The following DNAH8 variants were observed in gnomAD, a reference collection of about 807,000 sequenced individuals.
DNAH8 encodes dynein axonemal heavy chain 8, also known as axonemal beta dynein heavy chain 8.
DNAH8 carries 382 observed loss-of-function variants against 562.1 expected under a neutral mutation model. That is an observed-to-expected ratio of 0.68 (90% CI 0.63 to 0.74). DNAH8 has a LOEUF of 0.74. Ranked by LOEUF, DNAH8 falls within the 30% of genes least tolerant of loss-of-function variation. DNAH8 has a pLI of 0.00. For synonymous variants in DNAH8, 1,881 were observed against 1,919.4 expected, an observed-to-expected ratio of 0.98 and a Z score of 0.52; for missense variants, 5,203 against 5,620.4, an observed-to-expected ratio of 0.93 and a Z score of 2.37.
At chr6:38,972,597 A>T (rs1763418953) in intron 83 of DNAH8, among the ~76,000 whole-genome samples, 1 of 130,354 alleles carries the variant, frequency 7.7e-6, no homozygotes, top group South Asian at 2.4e-4. Context: ...GCAAAACTTT[A>T]ATTTAAATAC....
rs1414571786 is a variant in DNAH8, at chr6:38,954,432, C to T, written c.12451+2912C>T. Among the ~76,000 whole-genome samples, 6 of 1,248 alleles carry T rather than the reference C, an allele frequency of 4.8e-3. 3 individuals are homozygous for T. Among genetic ancestry groups the T allele is most frequent in the South Asian group, 0.023 (2 of 86 alleles). The allele number at this position is 1,248 out of a possible 152,430, so 0.8% of individuals were successfully genotyped here. ...ATAGTAATAAATTACAGGCCGGGCG[C>T]GGTGGCTCACGCCTGTAATCCCAGC... On this transcript the variant is annotated intron_variant, in intron 82 of 92. Transcript: ENST00000327475.
chr6:38,852,047 C>T (rs564453222), intron 39 of DNAH8, among the ~76,000 whole-genome samples: 4 of 152,256 alleles, frequency 2.6e-5, no homozygotes, highest in South Asian at 4.1e-4. Flanking sequence ...TTTATTAAAT[C>T]GAATTTATCA....
rs552492150 is a variant in DNAH8, at chr6:38,734,629, T to G, written c.762+4T>G. The G allele has an allele frequency of 2.5e-6, 4 of 1,608,622 alleles. No homozygotes were observed. The African/African-American group carries it at 5.4e-5, about 22-fold the overall frequency. Reference sequence around the variant, plus strand: ...AAATGTTAAAACTATTCAAGAGGTATGTTTAAAAATTTCCCCAAATACATA... The same window carrying G: ...AAATGTTAAAACTATTCAAGAGGTAGGTTTAAAAATTTCCCCAAATACATA... On this transcript the variant is annotated splice_donor_region_variant and intron_variant, in intron 5 of 92. Coordinates refer to ENST00000327475, the MANE Select transcript of DNAH8 (RefSeq NM_001206927.2).
chr6:38,935,406 T>A (rs1171000141), intron 76 of DNAH8, among the ~76,000 whole-genome samples, 186 bp from the exon 77 acceptor site: 3 of 152,166 alleles, frequency 2.0e-5, no homozygotes, highest in East Asian at 1.9e-4. Flanking sequence ...GGCATAATTT[T>A]AAAAAAATTT....
chr6:39,022,218 G>GC (rs1561985064), intron 91 of DNAH8, among the ~76,000 whole-genome samples: 1 of 151,424 alleles, frequency 6.6e-6, no homozygotes, highest in African/African-American at 2.4e-5. Flanking sequence ...TTCATTAAGT[G>GC]TTTTTTTTTC....
chr6:38,873,045 G>T lies in DNAH8; in HGVS notation c.7377G>T (p.Leu2459=), dbSNP rs780317776. 2.5e-6 allele frequency: 4 copies of T among 1,614,108 alleles called. No homozygotes were observed. The highest frequency in any genetic ancestry group is 3.4e-6 in the Non-Finnish European group (4 of 1,180,010). Residue 2459 remains leucine, a synonymous_variant, in exon 51 of 93, where the codon CTG becomes CTT. Coordinates refer to ENST00000327475, the MANE Select transcript of DNAH8 (RefSeq NM_001206927.2). ...CCATGGCCCCTAGTTGTAAGCTTCT[G>T]TTTGAAGTCCACAATATCGAGAACG... ...RIPMAPSCKL[L]FEVHNIENAS...
Position 38,842,735 on chromosome 6 carries a change from C to T in DNAH8, c.4677C>T (p.Phe1559=). The T allele has an allele frequency of 6.2e-7, 1 of 1,613,796 alleles. No individual in the cohort carries two copies. The highest frequency in any genetic ancestry group is 8.5e-7 in the Non-Finnish European group (1 of 1,179,854). ...ATCTCAAAAAGAGAATTGATGATTT[C>T]AGTGAGTCATGTCCTCTACTGGAAA... The part of the protein sequence containing the change: ...FLDLKKRIDD[F]SESCPLLEMM... Residue 1559 remains phenylalanine (F), a synonymous_variant, in exon 35 of 93, where the codon TTC becomes TTT. Transcript: ENST00000327475.
At position 38,734,545 on chromosome 6, in the gene DNAH8, C is replaced by T. The variant is rs199848059; in HGVS notation, c.682C>T (p.Pro228Ser). ...MMKLYIDNAA[P>S]DKLKGLCIFF... ...GAAATTGTATATAGACAATGCAGCC[C>T]CGGATAAACTAAAAGGACTGTGCAT... Residue 228 changes from proline (P) to serine (S), a missense_variant, in exon 5 of 93, where the codon CCG becomes TCG. Around this residue, in one of 6 missense-constraint regions of DNAH8, gnomAD observed 556 missense variants for 496.9 expected, o/e 1.12. Coordinates refer to ENST00000327475, the MANE Select transcript of DNAH8 (RefSeq NM_001206927.2). The T allele has an allele frequency of 2.0e-5, 32 of 1,613,794 alleles. No individual in the cohort carries two copies. The Middle Eastern group carries it at 5.0e-4, about 25-fold the overall frequency.
intron 82 of DNAH8, among the ~76,000 whole-genome samples, chr6:38,952,321 C>G (rs373358678): frequency 6.6e-6 from 1 of 152,094 alleles, no homozygotes; most frequent in Non-Finnish European, 1.5e-5. Context: ...CACATCTTGA[C>G]AGGACTGAGC....
intron 12 of DNAH8, among the ~76,000 whole-genome samples, chr6:38,772,971 CTTT>C (rs58784448): frequency 1.3e-3 from 115 of 88,074 alleles, no homozygotes; most frequent in African/African-American, 5.3e-3. Context: ...GCTAATTAAA[CTTT>C]TTTTTTTTTT....
At chr6:38,778,343 C>A in intron 13 of DNAH8, 45 bp from the exon 14 acceptor site, 1 of 1,090,898 alleles carries the variant, frequency 9.2e-7, no homozygotes, top group Middle Eastern at 2.9e-4. Flanking sequence ...CAAAACCAAT[C>A]TCTTTAACAC....
At chr6:38,891,821 T>C (rs1269444931) in intron 58 of DNAH8, among the ~76,000 whole-genome samples, 1 of 152,228 alleles carries the variant, frequency 6.6e-6, no homozygotes, top group African/African-American at 2.4e-5. Context: ...ATCAGTTTCT[T>C]TTGGTATTTG....
At chr6:38,922,762 C>A (rs1781815095) in intron 71 of DNAH8, among the ~76,000 whole-genome samples, 1 of 152,078 alleles carries the variant, frequency 6.6e-6, no homozygotes, top group Non-Finnish European at 1.5e-5. Context: ...TGATTTGATT[C>A]TGTTTTGAAA....
At chr6:38,985,249 C>T (rs1320133021) in intron 87 of DNAH8, among the ~76,000 whole-genome samples, 9 of 152,192 alleles carry the variant, frequency 5.9e-5, no homozygotes, top group Non-Finnish European at 1.2e-4. Flanking sequence ...ACCTACCAGA[C>T]TCAAACTCTT....
intron 23 of DNAH8, among the ~76,000 whole-genome samples, chr6:38,805,990 A>T (rs1446827966): frequency 6.6e-6 from 1 of 152,178 alleles, no homozygotes; most frequent in Non-Finnish European, 1.5e-5. Context: ...GGGCTCAGGG[A>T]TCTGCATTTT....
rs942884895 is a variant in DNAH8 at position 38,815,746 on chromosome 6, C to A, written c.3523+89C>A. 6.7e-6 allele frequency: 8 copies of A among 1,187,766 alleles called. No individual in the cohort carries two copies. In the Admixed American group the frequency reaches 1.7e-4, roughly 25 times the overall value. 73.6% of individuals were successfully genotyped at this position (1,187,766 alleles called of 1,614,324 possible). Reference sequence around the variant, plus strand: ...TTTAAATTATTTTATATGTTTGATACCTTTTGCATTTAAAAAATAGTATGT... The same window carrying A: ...TTTAAATTATTTTATATGTTTGATAACTTTTGCATTTAAAAAATAGTATGT... On this transcript the variant is annotated intron_variant, in intron 26 of 92. Transcript: ENST00000327475.
intron 54 of DNAH8, 99 bp from the exon 55 acceptor site, chr6:38,883,223 A>G (rs1470747680): frequency 2.9e-6 from 4 of 1,382,454 alleles, no homozygotes; most frequent in Non-Finnish European, 3.9e-6. Flanking sequence ...ATTAAAAATT[A>G]GTTGTATTAA....
chr6:38,796,811 G>T (rs1010744045), intron 21 of DNAH8, among the ~76,000 whole-genome samples: 1 of 151,942 alleles, frequency 6.6e-6, no homozygotes, highest in South Asian at 2.1e-4. Flanking sequence ...ACATGAGCCC[G>T]CCGATGCTCC....
At chr6:38,789,949 C>A in intron 19 of DNAH8, 66 bp downstream of exon 19, 3 of 1,266,750 alleles carry the variant, frequency 2.4e-6, no homozygotes, top group East Asian at 2.3e-5. Flanking sequence ...GTTCTATAAA[C>A]TATGGATTTT....
Sources: gnomAD v4.1 joint callset for allele counts (sites outside exome capture counted in the v4.1 genomes callset) on GRCh38, gnomAD v4.1.1 for gene constraint, gnomAD v4.1.1 regional missense constraint, MANE v1.5 for transcripts, NCBI Gene and HGNC (gene_info 2026-07-23, HGNC 2026-07-21) for gene names.